Variants in BMPR1B observed in about 807,000 individuals in gnomAD.
BMPR1B encodes bone morphogenetic protein receptor type 1B, also known as bone morphogenetic protein receptor type-1B.
Under a neutral mutation model 59.1 loss-of-function variants are expected in BMPR1B, and 12 were observed. The observed-to-expected ratio is 0.20, with a 90% CI of 0.13 to 0.33. The LOEUF (loss-of-function observed/expected upper bound fraction) is 0.33, where lower values mean the gene tolerates loss of function less well. Among genes scored for constraint, BMPR1B ranks in the 10% least tolerant of loss-of-function variants. The pLI, the probability that BMPR1B is intolerant of heterozygous loss-of-function variation, is 1.00. For synonymous variants in BMPR1B, 237 were observed against 207.3 expected, an observed-to-expected ratio of 1.14 and a Z score of -1.23; for missense variants, 550 against 610.9, an observed-to-expected ratio of 0.90 and a Z score of 1.05.
chr4:94,853,465 T>G (rs746132524), intron 1 of BMPR1B, among the ~76,000 whole-genome samples: 1 of 152,208 alleles, frequency 6.6e-6, no homozygotes, highest in Non-Finnish European at 1.5e-5. Context: ...GTTCATAAAA[T>G]ATATTCTCTC....
chr4:95,092,745 A>G (rs140136441), intron 3 of BMPR1B, among the ~76,000 whole-genome samples: 1 of 151,784 alleles, frequency 6.6e-6, no homozygotes, highest in East Asian at 1.9e-4. Flanking sequence ...GAATAGCACA[A>G]ACACGGTGAT....
chr4:95,032,086 A>G (rs532475484), intron 3 of BMPR1B, among the ~76,000 whole-genome samples: 1 of 152,264 alleles, frequency 6.6e-6, no homozygotes, highest in East Asian at 1.9e-4. Flanking sequence ...CTATCACAAG[A>G]TACCACAGAC....
intron 1 of BMPR1B, among the ~76,000 whole-genome samples, chr4:94,872,316 T>G (rs776260492): frequency 1.3e-5 from 2 of 152,186 alleles, no homozygotes; most frequent in Non-Finnish European, 2.9e-5. Context: ...TGCAAACTGG[T>G]TTTAAATACC....
At chr4:95,093,138 C>T (rs1730117463) in intron 3 of BMPR1B, among the ~76,000 whole-genome samples, 1 of 152,034 alleles carries the variant, frequency 6.6e-6, no homozygotes, top group Non-Finnish European at 1.5e-5. Flanking sequence ...TATTTTGTGA[C>T]AGTGGCTTCA....
At chr4:94,986,359 T>A (rs978275485) in intron 2 of BMPR1B, among the ~76,000 whole-genome samples, 9 of 152,156 alleles carry the variant, frequency 5.9e-5, no homozygotes, top group African/African-American at 2.2e-4. Context: ...AAAACAAAAC[T>A]CAGAGTACAT....
intron 8 of BMPR1B, among the ~76,000 whole-genome samples, chr4:95,128,397 G>A (rs535970918): frequency 2.6e-5 from 4 of 152,236 alleles, no homozygotes; most frequent in East Asian, 1.9e-4. Context: ...AGAGTTATAC[G>A]CTAGATTCCT....
chr4:94,770,182 GTTTGTT>G (rs1398792579), intron 1 of BMPR1B, among the ~76,000 whole-genome samples: 6 of 40,014 alleles, frequency 1.5e-4, no homozygotes, highest in Admixed American at 3.2e-4. Flanking sequence ...TCGTTTCTGT[GTTTGTT>G]TTTTTTTTTT....
intron 1 of BMPR1B, among the ~76,000 whole-genome samples, chr4:94,797,959 TG>T (rs1723259250): frequency 6.6e-6 from 1 of 152,210 alleles, no homozygotes; most frequent in African/African-American, 2.4e-5. Context: ...ACATGGATCC[TG>T]GGAAATAGCT....
At chr4:94,954,577 A>G (rs960632714) in intron 2 of BMPR1B, among the ~76,000 whole-genome samples, 3 of 152,232 alleles carry the variant, frequency 2.0e-5, no homozygotes, top group African/African-American at 7.2e-5. Flanking sequence ...GAGACTAGTT[A>G]AGCATAATGA....
At chr4:94,866,626 C>A (rs1245613109) in intron 1 of BMPR1B, among the ~76,000 whole-genome samples, 9 of 152,082 alleles carry the variant, frequency 5.9e-5, no homozygotes, top group Non-Finnish European at 1.3e-4. Context: ...CGCTGTGTCG[C>A]CAGGCTGGAG....
At chr4:94,883,701 A>G (rs1040196623) in intron 2 of BMPR1B, among the ~76,000 whole-genome samples, 1 of 152,168 alleles carries the variant, frequency 6.6e-6, no homozygotes, top group Non-Finnish European at 1.5e-5. Flanking sequence ...AGTATTAAAG[A>G]TATGTCAATA....
intron 2 of BMPR1B, among the ~76,000 whole-genome samples, chr4:94,992,090 C>T (rs912152054): frequency 1.3e-5 from 2 of 152,178 alleles, no homozygotes; most frequent in African/African-American, 4.8e-5. Flanking sequence ...CTTGCCTTGG[C>T]AGAGACCCAG....
At chr4:95,016,764 T>G (rs950598189) in intron 3 of BMPR1B, among the ~76,000 whole-genome samples, 1 of 152,146 alleles carries the variant, frequency 6.6e-6, no homozygotes, top group African/African-American at 2.4e-5. Flanking sequence ...AAGTTATAAA[T>G]TTAGCTAACA....
At chr4:94,849,901 C>T (rs781230829) in intron 1 of BMPR1B, among the ~76,000 whole-genome samples, 7 of 151,890 alleles carry the variant, frequency 4.6e-5, no homozygotes, top group South Asian at 2.1e-4. Flanking sequence ...GGCTAGTGCT[C>T]GGTGATTTTC....
intron 1 of BMPR1B, among the ~76,000 whole-genome samples, chr4:94,845,407 A>G (rs918786281): frequency 1.3e-5 from 2 of 149,402 alleles, no homozygotes; most frequent in Non-Finnish European, 3.0e-5. Flanking sequence ...CAGTGGCGCG[A>G]TCTTGGCTCA....
intron 8 of BMPR1B, among the ~76,000 whole-genome samples, chr4:95,128,405 C>A (rs1470207327): frequency 6.6e-6 from 1 of 152,186 alleles, no homozygotes; most frequent in Non-Finnish European, 1.5e-5. Flanking sequence ...ACGCTAGATT[C>A]CTTATGTCCT....
At chr4:95,109,699 T>TTTATTA (rs10597656) in intron 4 of BMPR1B, among the ~76,000 whole-genome samples, 1 of 146,848 alleles carries the variant, frequency 6.8e-6, no homozygotes. Flanking sequence ...AGAACTTCTT[T>TTTATTA]TTATTATTAT....
Position 94,987,200 on chromosome 4 carries a change from A to G in BMPR1B, c.-112-8840A>G, listed in dbSNP as rs900059348. Among the ~76,000 whole-genome samples, 5 of 144,234 alleles carry G rather than the reference A, an allele frequency of 3.5e-5. No homozygotes were observed. In the South Asian group the frequency reaches 1.1e-3, roughly 30 times the overall value. 94.6% of individuals were successfully genotyped at this position (144,234 alleles called of 152,430 possible). On this transcript the variant is annotated intron_variant, in intron 2 of 12. Coordinates refer to ENST00000515059, the MANE Select transcript of BMPR1B (RefSeq NM_001203.3). ...ATATACTATATATAATATATCATAT[A>G]TATGTAATATATATCATATTATATA...
In BMPR1B at chr4:94,993,431, T is replaced by A. The variant is rs193186588; in HGVS notation, c.-112-2609T>A. On this transcript the variant is annotated intron_variant, in intron 2 of 12. Coordinates refer to ENST00000515059, the MANE Select transcript of BMPR1B (RefSeq NM_001203.3). ...CCTGGAGTCATAGAAAATTTAACAT[T>A]AAAAATTCAACTAATGCATTAAATT... Among the ~76,000 whole-genome samples the A allele has an allele frequency of 3.4e-3, 525 of 152,240 alleles. 2 individuals carry two copies. Among genetic ancestry groups the A allele is most frequent in the Non-Finnish European group, 5.7e-3 (391 of 68,020 alleles).
Sources: gnomAD v4.1 joint callset for allele counts (sites outside exome capture counted in the v4.1 genomes callset) on GRCh38, gnomAD v4.1.1 for gene constraint, MANE v1.5 for transcripts, NCBI Gene and HGNC (gene_info 2026-07-23, HGNC 2026-07-21) for gene names.